Variants in TMPRSS2 observed in about 807,000 individuals in gnomAD.
The protein encoded by TMPRSS2 is transmembrane serine protease 2.
A neutral mutation model predicts 67.4 loss-of-function variants in TMPRSS2; 59 were observed. The observed-to-expected ratio is 0.88, with a 90% CI of 0.71 to 1.09. The LOEUF (loss-of-function observed/expected upper bound fraction) is 1.09. TMPRSS2 is among the 50% of genes least tolerant of loss of function. TMPRSS2 has a pLI of 0.00. For synonymous variants in TMPRSS2, 257 were observed against 257.0 expected, an observed-to-expected ratio of 1.00 and a Z score of 0.00; for missense variants, 668 against 642.7, an observed-to-expected ratio of 1.04 and a Z score of -0.43.
intron 11 of TMPRSS2, among the ~76,000 whole-genome samples, chr21:41,470,196 A>C (rs9974589): frequency 0.59 from 88,968 of 151,828 alleles, 26,618 homozygotes; most frequent in African/African-American, 0.7. Context: ...CAGATTGCAA[A>C]GGAAGTGGGT....
At chr21:41,494,111 A>G (rs1374725205) in intron 3 of TMPRSS2, among the ~76,000 whole-genome samples, 4 of 152,270 alleles carry the variant, frequency 2.6e-5, no homozygotes, top group Non-Finnish European at 4.4e-5. Context: ...AAAGCTGTAC[A>G]GGAGAGTTAA....
At chr21:41,507,473 C>G (rs1231672330) in intron 1 of TMPRSS2, among the ~76,000 whole-genome samples, 1 of 152,166 alleles carries the variant, frequency 6.6e-6, no homozygotes, top group Non-Finnish European at 1.5e-5. Flanking sequence ...ACTGGCCGTT[C>G]GCACCTCGCC....
intron 2 of TMPRSS2, among the ~76,000 whole-genome samples, chr21:41,497,844 G>C (rs1334340643): frequency 6.6e-6 from 1 of 152,178 alleles, no homozygotes; most frequent in Non-Finnish European, 1.5e-5. Flanking sequence ...CCTTGTCCCT[G>C]CCCCCTGCCC....
Position 41,476,606 on chromosome 21 carries a change from G to C in TMPRSS2, c.698C>G (p.Ser233Ter), listed in dbSNP as rs1342840542. The C allele has an allele frequency of 6.3e-7, 1 of 1,597,782 alleles. No individual in the cohort carries two copies. Among genetic ancestry groups the C allele is most frequent in the Non-Finnish European group, 8.5e-7 (1 of 1,174,716 alleles). Residue 233 changes from serine (S) to a stop codon, truncating the protein, a stop_gained, in exon 8 of 14, where the codon TCA becomes TGA. Coordinates refer to ENST00000332149, the MANE Select transcript of TMPRSS2 (RefSeq NM_005656.4). LOFTEE classifies it high-confidence loss of function. Reference protein sequence around the residue: ...KKLYHSDACSSKAVVSLRCIA... With the variant: ...KKLYHSDACS ...ACAGCGTAAAGAAACCACTGCTTTT[G>C]AAGAACAGGCATCACTGCAAAAAGA...
intron 5 of TMPRSS2, 60 bp from the exon 6 acceptor site, chr21:41,480,662 G>A (rs1019055982): frequency 3.5e-5 from 56 of 1,578,164 alleles, no homozygotes; most frequent in Non-Finnish European, 4.0e-5. Flanking sequence ...TTTTTGAGAC[G>A]GAGTCTCGCT....
Position 41,491,626 on chromosome 21 carries a change from C to T in TMPRSS2, c.239-2033G>A, listed in dbSNP as rs557531433. 3.0e-4 allele frequency among the ~76,000 whole-genome samples: 45 copies of T among 152,318 alleles called. 1 individual carries two copies. Among genetic ancestry groups the T allele is most frequent in the Admixed American group, 6.5e-4 (10 of 15,298 alleles). The stretch of plus-strand genomic sequence containing the variant: ...GCCCTCTCTGGCCCATTACCAAGGA[C>T]ACTTTCCTCCGTCTATGGCTTCCCG... On this transcript the variant is annotated intron_variant, in intron 3 of 13. Coordinates refer to ENST00000332149, the MANE Select transcript of TMPRSS2 (RefSeq NM_005656.4).
intron 5 of TMPRSS2, among the ~76,000 whole-genome samples, chr21:41,484,593 G>C (rs1423255850): frequency 6.6e-6 from 1 of 152,146 alleles, no homozygotes; most frequent in East Asian, 1.9e-4. Flanking sequence ...CATGCACAGC[G>C]TTATGTTTGT....
chr21:41,506,895 C>T (rs1267972301), intron 1 of TMPRSS2, among the ~76,000 whole-genome samples: 1 of 152,234 alleles, frequency 6.6e-6, no homozygotes, highest in African/African-American at 2.4e-5. Context: ...TCATCTTTCC[C>T]GCGGGACCAC....
chr21:41,490,863 G>C (rs2091330018), intron 3 of TMPRSS2, among the ~76,000 whole-genome samples: 1 of 152,212 alleles, frequency 6.6e-6, no homozygotes, highest in Admixed American at 6.5e-5. Context: ...GAGGAGAGGG[G>C]AGGAGAAGGC....
intron 10 of TMPRSS2, 92 bp downstream of exon 10, chr21:41,471,714 T>C: frequency 7.0e-7 from 1 of 1,421,446 alleles, no homozygotes; most frequent in Non-Finnish European, 9.5e-7. Flanking sequence ...CGCAAATGCC[T>C]CCCTTCCATT....
rs769655195 is a variant in TMPRSS2 at position 41,473,459 on chromosome 21, C to A, written c.765G>T (p.Arg255Ser). ...GGAGCGCGCTCTCGCCGCCCACAAT[C>A]CTGCTCTGGCGGCTTGAGTTCAAGT... ...GVNLNSSRQSRIVGGESALPG... is the reference protein window; with the variant it reads ...GVNLNSSRQSSIVGGESALPG... The change falls in exon 9 of 14, where the codon AGG becomes AGT. Residue 255 changes from arginine to serine, a missense_variant. Transcript: ENST00000332149. 1.9e-6 allele frequency: 3 copies of A among 1,609,694 alleles called. No homozygotes were observed. The highest frequency in any genetic ancestry group is 2.5e-6 in the Non-Finnish European group (3 of 1,178,774).
chr21:41,492,459 T>C (rs1243532383), intron 3 of TMPRSS2, among the ~76,000 whole-genome samples: 1 of 152,202 alleles, frequency 6.6e-6, no homozygotes, highest in African/African-American at 2.4e-5. Flanking sequence ...CTAGAAAAAT[T>C]CCTTATACTC....
chr21:41,493,968 T>C (rs1348181628), intron 3 of TMPRSS2, among the ~76,000 whole-genome samples: 1 of 152,232 alleles, frequency 6.6e-6, no homozygotes. Flanking sequence ...TCCAGGGGAC[T>C]GTATGACAAA....
chr21:41,498,470 G>A (rs2091401454), intron 1 of TMPRSS2, among the ~76,000 whole-genome samples: 1 of 152,172 alleles, frequency 6.6e-6, no homozygotes, highest in South Asian at 2.1e-4. Flanking sequence ...GCAGCGGCCA[G>A]GACAGCCTGA....
intron 5 of TMPRSS2, among the ~76,000 whole-genome samples, chr21:41,481,017 C>G (rs1047950433): frequency 4.6e-4 from 70 of 152,198 alleles, no homozygotes; most frequent in African/African-American, 1.6e-3. Flanking sequence ...ACAGTTCACT[C>G]TTCTCAAGGC....
chr21:41,505,474 C>T (rs957419855), intron 1 of TMPRSS2, among the ~76,000 whole-genome samples: 1 of 152,194 alleles, frequency 6.6e-6, no homozygotes, highest in Admixed American at 6.5e-5. Context: ...GTACTGCACG[C>T]ATCTACCTTT....
intron 7 of TMPRSS2, 30 bp downstream of exon 7, chr21:41,479,142 A>C: frequency 6.4e-7 from 1 of 1,574,760 alleles, no homozygotes; most frequent in Middle Eastern, 1.7e-4. Context: ...ATTTCATTCC[A>C]AAATTTTTCA....
chr21:41,484,632 TGG>T (rs2091281866), intron 5 of TMPRSS2, among the ~76,000 whole-genome samples: 1 of 152,198 alleles, frequency 6.6e-6, no homozygotes, highest in South Asian at 2.1e-4. Flanking sequence ...ATAATCAATA[TGG>T]AAACTGGATA....
At chr21:41,484,107 A>G (rs1181063251) in intron 5 of TMPRSS2, among the ~76,000 whole-genome samples, 1 of 152,182 alleles carries the variant, frequency 6.6e-6, no homozygotes, top group African/African-American at 2.4e-5. Flanking sequence ...TGACAGAAGG[A>G]GACCTTGTCT....
Sources: gnomAD v4.1 joint callset for allele counts (sites outside exome capture counted in the v4.1 genomes callset) on GRCh38, gnomAD v4.1.1 for gene constraint, MANE v1.5 for transcripts, NCBI Gene and HGNC (gene_info 2026-07-23, HGNC 2026-07-21) for gene names.